Variants in DNAJC2 observed in about 807,000 individuals in gnomAD.
The protein encoded by DNAJC2 is dnaJ homolog subfamily C member 2.
In DNAJC2, 32 loss-of-function variants were observed where a neutral mutation model predicts 94.0. The observed-to-expected ratio is 0.34, with a 90% CI of 0.26 to 0.46. The LOEUF is 0.46. DNAJC2 is among the 20% of genes least tolerant of loss of function. DNAJC2 has a pLI of 1.00. For missense variants in DNAJC2, 550 were observed against 719.5 expected, an observed-to-expected ratio of 0.76 and a Z score of 2.69; for synonymous variants, 210 against 229.7, an observed-to-expected ratio of 0.91 and a Z score of 0.77.
chr7:103,314,290 C>CA, intron 15 of DNAJC2: 35 of 985,368 alleles, frequency 3.6e-5, no homozygotes, highest in Non-Finnish European at 4.2e-5. Context: ...ATAAATTAAA[C>CA]GTACTGTTGC....
Position 103,333,518 on chromosome 7 carries a change from G to C in DNAJC2, c.331+4218C>G, listed in dbSNP as rs182544709. ...TCTGATTCAGCGGAGATAAAACGTA[G>C]ATAAAATAAATGCCCAGATTTTAAG... On this transcript the variant is annotated intron_variant, in intron 3 of 16. Coordinates refer to ENST00000379263, the MANE Select transcript of DNAJC2 (RefSeq NM_014377.3). 2.6e-5 allele frequency among the ~76,000 whole-genome samples: 4 copies of C among 152,294 alleles called. No individual in the cohort carries two copies. The East Asian group carries it at 7.7e-4, about 29-fold the overall frequency.
chr7:103,330,843 A>T (rs1156740340), intron 3 of DNAJC2, among the ~76,000 whole-genome samples: 1 of 151,874 alleles, frequency 6.6e-6, no homozygotes, highest in African/African-American at 2.4e-5. Flanking sequence ...TGGCCTCCCA[A>T]AGTGCTAGAA....
At chr7:103,315,192 CTAT>C (rs1732109750) in intron 15 of DNAJC2, among the ~76,000 whole-genome samples, 1 of 150,102 alleles carries the variant, frequency 6.7e-6, no homozygotes, top group Admixed American at 6.6e-5. Flanking sequence ...TTGAGTCTTA[CTAT>C]GTTTCCTGGT....
At chr7:103,313,309 T>C in intron 15 of DNAJC2, 1 of 1,316,626 alleles carries the variant, frequency 7.6e-7, no homozygotes, top group Non-Finnish European at 9.6e-7. Context: ...AAATAAAATC[T>C]CAAAGGCTTT....
chr7:103,314,690 A>G, intron 15 of DNAJC2: 1 of 980,878 alleles, frequency 1.0e-6, no homozygotes, highest in East Asian at 1.1e-4. Flanking sequence ...TAACTCAGCC[A>G]AACAAGTCAC....
chr7:103,321,862 A>G (rs1432702856), intron 10 of DNAJC2, 70 bp downstream of exon 10: 7 of 1,529,238 alleles, frequency 4.6e-6, no homozygotes, highest in Non-Finnish European at 5.3e-6. Flanking sequence ...ACAAACAAAC[A>G]AAAAGAAGTA....
intron 15 of DNAJC2, among the ~76,000 whole-genome samples, chr7:103,314,895 T>G (rs1046078380): frequency 6.6e-6 from 1 of 152,212 alleles, no homozygotes; most frequent in African/African-American, 2.4e-5. Flanking sequence ...AAGAAAGGAT[T>G]GGTGGCTCAC....
At chr7:103,327,458 G>A in intron 4 of DNAJC2, 198 bp downstream of exon 4, 1 of 730,994 alleles carries the variant, frequency 1.4e-6, no homozygotes, top group South Asian at 1.6e-5. Context: ...AGGTGTTGCT[G>A]ATGCTGCTGG....
chr7:103,335,517 ATTTCT>A (rs1197194225), intron 3 of DNAJC2: 1 of 151,534 alleles, frequency 6.6e-6, no homozygotes, highest in Non-Finnish European at 1.5e-5. Context: ...CAAAAGCTGA[ATTTCT>A]TTTCTTTCTT....
chr7:103,322,842 T>C (rs768055712), intron 7 of DNAJC2, 48 bp from the exon 8 acceptor site: 1 of 1,410,860 alleles, frequency 7.1e-7, no homozygotes, highest in Non-Finnish European at 9.8e-7. Context: ...ATAGATGCTA[T>C]GACTGGAAAA....
At chr7:103,335,577 ACTCTGTTG>A (rs1309145663) in intron 3 of DNAJC2, 1 of 146,570 alleles carries the variant, frequency 6.8e-6, no homozygotes, top group Admixed American at 6.8e-5. Context: ...TCACTCTCTC[ACTCTGTTG>A]CTCAGGTTGG....
At chr7:103,337,960 A>C in intron 2 of DNAJC2, 149 bp from the exon 3 acceptor site, 1 of 622,322 alleles carries the variant, frequency 1.6e-6, no homozygotes, top group Non-Finnish European at 2.8e-6. Flanking sequence ...GTCTATGGTC[A>C]GGTAAGGTTG....
In DNAJC2 at chr7:103,341,877, C is replaced by T; in HGVS notation, c.142G>A (p.Ala48Thr). Residue 48 changes from alanine to threonine, a missense_variant, in exon 2 of 17, where the codon GCC becomes ACC. This residue lies in a region of DNAJC2 where 279 missense variants were observed against 416.9 expected (regional missense o/e 0.67). Transcript: ENST00000379263. The stretch of plus-strand genomic sequence containing the variant: ...TTATCCTCCAGTTCCTGAAAAGAGG[C>T]AGAAGCATTTCTGTTTCTCCTCTTA... ...FVKRRNRNASASFQELEDKKE... is the reference protein window; with the variant it reads ...FVKRRNRNASTSFQELEDKKE... 9.3e-6 allele frequency: 15 copies of T among 1,612,926 alleles called. No homozygotes were observed. The highest frequency in any genetic ancestry group is 1.3e-5 in the Non-Finnish European group (15 of 1,179,650).
chr7:103,319,392 G>A lies in DNAJC2; in HGVS notation c.1242+217C>T, dbSNP rs780314488. On this transcript the variant is annotated intron_variant, in intron 12 of 16. Coordinates refer to ENST00000379263, the MANE Select transcript of DNAJC2 (RefSeq NM_014377.3). ...GCGGAGGTTGTAGTGAGCCAAGATCGTGCCACTGCACTCCAGCCTGGGCAA... is the reference window on the plus strand; with the variant it reads ...GCGGAGGTTGTAGTGAGCCAAGATCATGCCACTGCACTCCAGCCTGGGCAA... Among the ~76,000 whole-genome samples, 3 of 151,264 alleles carry A rather than the reference G, an allele frequency of 2.0e-5. No homozygotes were observed. The South Asian group carries it at 6.3e-4, about 32-fold the overall frequency.
chr7:103,313,337 G>C, intron 15 of DNAJC2: 13 of 1,264,936 alleles, frequency 1.0e-5, no homozygotes, highest in Non-Finnish European at 1.3e-5. Flanking sequence ...CAATAGTAAA[G>C]ATCTACCTTG....
chr7:103,312,782 A>G (rs1817822678), intron 16 of DNAJC2, 139 bp from the exon 17 acceptor site: 1 of 1,511,232 alleles, frequency 6.6e-7, no homozygotes, highest in Non-Finnish European at 8.8e-7. Flanking sequence ...CAGGGCCTAG[A>G]AAGTTTCTAA....
intron 15 of DNAJC2, chr7:103,313,735 A>G: frequency 2.0e-6 from 2 of 985,292 alleles, no homozygotes; most frequent in South Asian, 9.4e-5. Flanking sequence ...TTCTTCAACT[A>G]AACCTTGTAT....
chr7:103,344,704 C>A lies in DNAJC2; in HGVS notation c.-82G>T. ...CTTAGGGTCCCCTCCAGCTCTACCT[C>A]TCACTCCGAGCCTCGCGCCTTGGCT... On this transcript the variant is annotated 5_prime_UTR_variant, in exon 1 of 17. Transcript: ENST00000379263. 6.9e-7 allele frequency: 1 copy of A among 1,447,736 alleles called. No individual in the cohort carries two copies. Among genetic ancestry groups the A allele is most frequent in the Non-Finnish European group, 9.6e-7 (1 of 1,046,394 alleles). The allele number at this position is 1,447,736 out of a possible 1,614,324, so 89.7% of individuals were successfully genotyped here. A position where few individuals can be genotyped will look rare whatever the true frequency, so the allele number is the denominator to read the frequency against.
chr7:103,313,946 T>C, intron 15 of DNAJC2: 2 of 985,356 alleles, frequency 2.0e-6, no homozygotes, highest in Non-Finnish European at 2.4e-6. Flanking sequence ...GTAGCCTGAC[T>C]ACTACTAGAA....
Sources: allele counts gnomAD v4.1 joint callset (sites outside exome capture counted in the v4.1 genomes callset), GRCh38; gene constraint gnomAD v4.1.1; regional missense constraint gnomAD v4.1.1; transcripts MANE v1.5; gene names NCBI Gene and HGNC (gene_info 2026-07-23, HGNC 2026-07-21).